ACOXL: variants seen among roughly 807,000 people sequenced by gnomAD.
ACOXL encodes the protein acyl-coenzyme A oxidase-like protein.
A neutral mutation model predicts 71.9 loss-of-function variants in ACOXL; 70 were observed. The ratio of observed to expected loss-of-function variants is 0.97; its 90% CI spans 0.80 to 1.19. ACOXL has a LOEUF of 1.19. Among genes scored for constraint, ACOXL ranks in the 50% most tolerant of loss-of-function variants. ACOXL has a pLI of 0.00. For synonymous variants in ACOXL, 253 were observed against 281.6 expected, an observed-to-expected ratio of 0.90 and a Z score of 1.02; for missense variants, 703 against 736.3, an observed-to-expected ratio of 0.95 and a Z score of 0.52.
At chr2:110,801,805 A>G in intron 8 of ACOXL, 81 bp downstream of exon 8, 3 of 1,188,300 alleles carry the variant, frequency 2.5e-6, no homozygotes, top group Non-Finnish European at 3.8e-6. Context: ...CTTGGGTCTC[A>G]TGGGCTGCAT....
chr2:111,058,543 G>A (rs1334552389), intron 16 of ACOXL, among the ~76,000 whole-genome samples: 1 of 152,178 alleles, frequency 6.6e-6, no homozygotes, highest in Non-Finnish European at 1.5e-5. Context: ...AACGTTAAGA[G>A]ACTTGAAGAT....
At chr2:110,810,616 T>TCCATCCATCATCCAC (rs1363090430) in intron 9 of ACOXL, among the ~76,000 whole-genome samples, 1 of 151,914 alleles carries the variant, frequency 6.6e-6, no homozygotes, top group Non-Finnish European at 1.5e-5. Context: ...CATCTGTTCA[T>TCCATCCATCATCCAC]CCATCCATCA....
intron 11 of ACOXL, among the ~76,000 whole-genome samples, chr2:110,922,011 T>C (rs2060097035): frequency 6.6e-6 from 1 of 152,152 alleles, no homozygotes; most frequent in African/African-American, 2.4e-5. Flanking sequence ...TTTGTTGTGG[T>C]TGGGAGGAGA....
chr2:110,741,783 A>C (rs939269390), intron 1 of ACOXL, among the ~76,000 whole-genome samples: 1 of 152,182 alleles, frequency 6.6e-6, no homozygotes, highest in Non-Finnish European at 1.5e-5. Flanking sequence ...TGGTTTAACC[A>C]ATCTCTTATC....
chr2:110,842,074 G>A (rs979162358), intron 10 of ACOXL, among the ~76,000 whole-genome samples: 2 of 152,140 alleles, frequency 1.3e-5, no homozygotes, highest in Non-Finnish European at 2.9e-5. Flanking sequence ...CATAGGCTTC[G>A]GGCTTGGGGA....
intron 12 of ACOXL, among the ~76,000 whole-genome samples, chr2:110,973,656 T>C (rs1574342323): frequency 6.6e-6 from 1 of 152,116 alleles, no homozygotes; most frequent in East Asian, 1.9e-4. Flanking sequence ...ACAAGTTGAG[T>C]GGACACAGCT....
At chr2:110,796,717 A>G (rs1685328611) in intron 5 of ACOXL, among the ~76,000 whole-genome samples, 1 of 152,200 alleles carries the variant, frequency 6.6e-6, no homozygotes, top group Non-Finnish European at 1.5e-5. Flanking sequence ...CCTCTCCTTG[A>G]GAAGCCCTGG....
intron 14 of ACOXL, among the ~76,000 whole-genome samples, chr2:111,000,045 A>C (rs2063551983): frequency 6.6e-6 from 1 of 152,288 alleles, no homozygotes; most frequent in African/African-American, 2.4e-5. Context: ...ACATAACAAA[A>C]GCCTAAATGG....
Position 111,095,098 on chromosome 2 carries a change from C to T in ACOXL, c.1542+2132C>T, listed in dbSNP as rs115571107. Among the ~76,000 whole-genome samples, 613 of 151,970 alleles carry T rather than the reference C, an allele frequency of 4.0e-3. 8 individuals carry two copies. The highest frequency in any genetic ancestry group is 0.014 in the African/African-American group (585 of 41,448). On this transcript the variant is annotated intron_variant, in intron 17 of 17. Coordinates refer to ENST00000439055, the MANE Select transcript of ACOXL (RefSeq NM_001142807.4). The stretch of plus-strand genomic sequence containing the variant: ...TTCACAGCTGGAGGAGAGACTTTAC[C>T]GCTTGATGTGAGGAGTAGCATGTAC...
chr2:110,794,277 C>T, intron 5 of ACOXL, 103 bp downstream of exon 5: 2 of 1,120,598 alleles, frequency 1.8e-6, no homozygotes, highest in Non-Finnish European at 2.6e-6. Flanking sequence ...TGTGTGTGCT[C>T]TCTGGCCCAG....
intron 12 of ACOXL, among the ~76,000 whole-genome samples, chr2:110,974,484 A>G (rs1195952621): frequency 6.6e-6 from 1 of 152,098 alleles, no homozygotes; most frequent in Non-Finnish European, 1.5e-5. Context: ...TCCAATTACT[A>G]CCCACACCCA....
intron 13 of ACOXL, among the ~76,000 whole-genome samples, chr2:110,988,430 A>G (rs897016801): frequency 2.8e-4 from 42 of 152,066 alleles, no homozygotes; most frequent in African/African-American, 9.2e-4. Context: ...ACAGAGTGAG[A>G]CCTTGCCTAA....
At chr2:110,878,989 G>A (rs1487207335) in intron 10 of ACOXL, among the ~76,000 whole-genome samples, 2 of 150,342 alleles carry the variant, frequency 1.3e-5, no homozygotes, top group East Asian at 2.0e-4. Context: ...CCCGGGAGGC[G>A]GAGGTTGCGG....
rs192078165 is a variant in ACOXL at position 111,038,935 on chromosome 2, A to T, written c.1369+7221A>T. ...AAAAAGCAACTGTCTGTTGACAACC[A>T]GATTTTCTTTCAGCTCTTTGAGTTT... On this transcript the variant is annotated intron_variant, in intron 15 of 17. Transcript: ENST00000439055. Among the ~76,000 whole-genome samples, 203 of 152,352 alleles carry T rather than the reference A, an allele frequency of 1.3e-3. 1 individual carries two copies. The highest frequency in any genetic ancestry group is 0.012 in the Admixed American group (187 of 15,306).
chr2:110,989,471 A>C (rs1403285475), intron 13 of ACOXL, among the ~76,000 whole-genome samples: 1 of 152,232 alleles, frequency 6.6e-6, no homozygotes, highest in Non-Finnish European at 1.5e-5. Context: ...TGGCCATTTC[A>C]TGTAAGTTTT....
chr2:110,894,733 G>C (rs561244294), intron 10 of ACOXL, among the ~76,000 whole-genome samples: 5 of 152,256 alleles, frequency 3.3e-5, no homozygotes, highest in Admixed American at 1.3e-4. Context: ...GCCAACTAGA[G>C]TTAGAACTGT....
At chr2:110,853,943 T>A (rs185444132) in intron 10 of ACOXL, among the ~76,000 whole-genome samples, 1 of 150,378 alleles carries the variant, frequency 6.6e-6, no homozygotes, top group Admixed American at 6.6e-5. Flanking sequence ...TTCAATTGAA[T>A]ATAGATTAAT....
intron 12 of ACOXL, among the ~76,000 whole-genome samples, chr2:110,941,117 AG>A (rs2060852679): frequency 6.6e-6 from 1 of 152,230 alleles, no homozygotes; most frequent in African/African-American, 2.4e-5. Flanking sequence ...TATTCATGCA[AG>A]CACCTCATAG....
chr2:110,879,748 T>A (rs1304277306), intron 10 of ACOXL, among the ~76,000 whole-genome samples: 1 of 152,128 alleles, frequency 6.6e-6, no homozygotes, highest in Non-Finnish European at 1.5e-5. Context: ...CAACTGAGGT[T>A]CCACCGGGTT....
Sources: gnomAD v4.1 joint callset for allele counts (sites outside exome capture counted in the v4.1 genomes callset) on GRCh38, gnomAD v4.1.1 for gene constraint, MANE v1.5 for transcripts, NCBI Gene and HGNC (gene_info 2026-07-23, HGNC 2026-07-21) for gene names.